The following IL1R1 variants were observed in gnomAD, a reference collection of about 807,000 sequenced individuals.
IL1R1 encodes the protein interleukin-1 receptor type 1.
In IL1R1, 22 loss-of-function variants were observed where a neutral mutation model predicts 50.2. The ratio of observed to expected loss-of-function variants is 0.44; its 90% confidence interval spans 0.31 to 0.63. IL1R1 has a LOEUF of 0.63. Ranked by LOEUF, IL1R1 falls within the 20% of genes least tolerant of loss-of-function variation. IL1R1 has a pLI of 0.07. For synonymous variants in IL1R1, 251 were observed against 236.7 expected, an observed-to-expected ratio of 1.06 and a Z score of -0.55; for missense variants, 509 against 676.2, an observed-to-expected ratio of 0.75 and a Z score of 2.74.
intron 1 of IL1R1, among the ~76,000 whole-genome samples, chr2:102,083,465 C>G (rs541776451): frequency 6.6e-6 from 1 of 152,184 alleles, no homozygotes; most frequent in Admixed American, 6.5e-5. Flanking sequence ...CATGAAGTAG[C>G]TGGAATGTCT....
At chr2:102,141,425 C>T (rs376162534), upstream of IL1R1, among the ~76,000 whole-genome samples, 20 of 152,324 alleles carry the variant, frequency 1.3e-4, no homozygotes, top group South Asian at 4.1e-4. Context: ...TTAAGGAATT[C>T]TCTTAATGCT....
At chr2:102,103,372 C>T (rs1432916410), upstream of IL1R1, among the ~76,000 whole-genome samples, 3 of 152,020 alleles carry the variant, frequency 2.0e-5, no homozygotes, top group East Asian at 3.9e-4. Context: ...TGGGCTGTGT[C>T]GTGCTGAGTG....
intron 1 of IL1R1, among the ~76,000 whole-genome samples, chr2:102,116,895 C>T (rs1273608904): frequency 6.6e-6 from 1 of 152,162 alleles, no homozygotes; most frequent in Non-Finnish European, 1.5e-5. Context: ...CTTCTGAGTT[C>T]CACTTCTTAC....
At chr2:102,125,984 T>G (rs1681690217) in intron 1 of IL1R1, among the ~76,000 whole-genome samples, 1 of 152,192 alleles carries the variant, frequency 6.6e-6, no homozygotes, top group Non-Finnish European at 1.5e-5. Context: ...AAATAGTGTC[T>G]TCAGCTCCAA....
At chr2:102,076,412 C>T (rs377730561) in intron 1 of IL1R1, among the ~76,000 whole-genome samples, 2 of 152,110 alleles carry the variant, frequency 1.3e-5, no homozygotes, top group Non-Finnish European at 2.9e-5. Flanking sequence ...CTCCTGACCT[C>T]GTGATCCACC....
At chr2:102,160,190 A>G (rs1481530838) in intron 3 of IL1R1, among the ~76,000 whole-genome samples, 1 of 152,146 alleles carries the variant, frequency 6.6e-6, no homozygotes, top group Non-Finnish European at 1.5e-5. Flanking sequence ...ACGTTATTAA[A>G]TTTATTGGCA....
At chr2:102,172,489 G>A (rs1685776067) in intron 8 of IL1R1, 198 bp from the exon 9 acceptor site, 11 of 1,161,372 alleles carry the variant, frequency 9.5e-6, no homozygotes, top group Non-Finnish European at 1.2e-5. Flanking sequence ...TACTGAGCCT[G>A]TTACTGACAG....
intron 1 of IL1R1, among the ~76,000 whole-genome samples, chr2:102,086,346 G>A (rs1365552054): frequency 4.6e-5 from 7 of 152,004 alleles, no homozygotes; most frequent in Admixed American, 6.6e-5. Context: ...GTGATGGGTC[G>A]TTTTTCTCTA....
rs1044194259 is a variant in IL1R1, at chr2:102,176,960, G to T, written c.*201G>T. 3.7e-5 allele frequency: 21 copies of T among 564,528 alleles called. No individual in the cohort carries two copies. Among genetic ancestry groups the T allele is most frequent in the Non-Finnish European group, 5.6e-5 (18 of 323,242 alleles). The allele number at this position is 564,528 out of a possible 1,614,324, so 35.0% of individuals were successfully genotyped here. ...AGGGCACTTCAGAGTAGAGGGCTTGGGAAGATCTTTTAAAAAGGCAGTAGG... is the reference window on the plus strand; with the variant it reads ...AGGGCACTTCAGAGTAGAGGGCTTGTGAAGATCTTTTAAAAAGGCAGTAGG... On this transcript the variant is annotated 3_prime_UTR_variant, in exon 12 of 12. Coordinates refer to ENST00000410023, the MANE Select transcript of IL1R1 (RefSeq NM_000877.4).
chr2:102,122,266 A>T (rs1317076304), intron 1 of IL1R1, among the ~76,000 whole-genome samples: 8 of 152,210 alleles, frequency 5.3e-5, no homozygotes, highest in African/African-American at 1.9e-4. Flanking sequence ...ATAAGGCAGA[A>T]TTGCATTCCA....
Position 102,097,878 on chromosome 2 carries a change from T to G in IL1R1, c.-84+27345T>G, listed in dbSNP as rs145909701. On this transcript the variant is annotated intron_variant, in intron 1 of 11. Coordinates refer to the IL1R1 transcript ENST00000409929. ...TAGATAATGTCAATCTTATACAAAATTTTTAGAGGATAAAAATTAAAAGAA... is the reference window on the plus strand; with the variant it reads ...TAGATAATGTCAATCTTATACAAAAGTTTTAGAGGATAAAAATTAAAAGAA... Among the ~76,000 whole-genome samples, 621 of 152,144 alleles carry G rather than the reference T, an allele frequency of 4.1e-3. 4 individuals carry two copies. Among genetic ancestry groups the G allele is most frequent in the African/African-American group, 0.014 (599 of 41,546 alleles).
intron 1 of IL1R1, among the ~76,000 whole-genome samples, chr2:102,075,557 T>C (rs540868614): frequency 1.6e-4 from 25 of 152,346 alleles, no homozygotes; most frequent in Admixed American, 1.5e-3. Flanking sequence ...TTAGAATTCT[T>C]CATACAAATA....
chr2:102,155,296 T>C (rs1183691700), intron 2 of IL1R1, among the ~76,000 whole-genome samples: 2 of 152,244 alleles, frequency 1.3e-5, no homozygotes, highest in Non-Finnish European at 2.9e-5. Flanking sequence ...AATGACATGC[T>C]GTCACTGCAT....
At chr2:102,156,196 C>T (rs1344166684) in intron 2 of IL1R1, 3 of 152,572 alleles carry the variant, frequency 2.0e-5, no homozygotes, top group Non-Finnish European at 2.9e-5. Flanking sequence ...GACCAGACTG[C>T]GGGGCTTCAA....
chr2:102,122,373 G>A (rs1197375624), intron 1 of IL1R1, among the ~76,000 whole-genome samples: 2 of 152,118 alleles, frequency 1.3e-5, no homozygotes, highest in Non-Finnish European at 2.9e-5. Flanking sequence ...CTTTTATACT[G>A]AAGTCAGAGT....
chr2:102,159,761 C>G (rs983654791), intron 3 of IL1R1, among the ~76,000 whole-genome samples: 1 of 152,096 alleles, frequency 6.6e-6, no homozygotes, highest in Non-Finnish European at 1.5e-5. Flanking sequence ...TGGGACTTTT[C>G]GAGGAGCTCC....
chr2:102,152,700 G>A (rs1049099761), intron 1 of IL1R1, among the ~76,000 whole-genome samples: 1 of 151,800 alleles, frequency 6.6e-6, no homozygotes, highest in African/African-American at 2.4e-5. Flanking sequence ...CATACTCACA[G>A]GGGTCAGTCA....
chr2:102,127,541 G>A (rs1252054336), intron 1 of IL1R1, among the ~76,000 whole-genome samples: 7 of 152,012 alleles, frequency 4.6e-5, no homozygotes, highest in Non-Finnish European at 1.5e-5. Context: ...CATTCTAGAG[G>A]GGGTAGACAG....
upstream of IL1R1, among the ~76,000 whole-genome samples, chr2:102,103,956 A>G (rs558821993): frequency 7.3e-6 from 1 of 136,922 alleles, no homozygotes; most frequent in South Asian, 2.3e-4. Flanking sequence ...GTGACATTGC[A>G]CTCCAGCCTG....
Sources: gnomAD v4.1 joint callset for allele counts (sites outside exome capture counted in the v4.1 genomes callset) on GRCh38, gnomAD v4.1.1 for gene constraint, MANE v1.5 for transcripts, NCBI Gene and HGNC (gene_info 2026-07-23, HGNC 2026-07-21) for gene names.